The following RREB1 variants were observed in gnomAD, a reference collection of about 807,000 sequenced individuals.
The protein encoded by RREB1 is ras-responsive element-binding protein 1.
In RREB1, 27 loss-of-function variants were observed where a neutral mutation model predicts 117.8. That is an observed-to-expected ratio of 0.23 (90% CI 0.17 to 0.32). The LOEUF is 0.32. Ranked by LOEUF, RREB1 falls within the 10% of genes least tolerant of loss-of-function variation. The probability of loss-of-function intolerance (pLI) is 1.00; values close to 1 mark genes in which losing one functional copy is unlikely to be tolerated. For synonymous variants in RREB1, 1,298 were observed against 1,026.7 expected (o/e 1.26, Z -5.05); for missense variants, 2,577 against 2,378.2 (o/e 1.08, Z -1.74).
chr6:7,205,670 G>T (rs1223366073), intron 6 of RREB1, among the ~76,000 whole-genome samples: 1 of 152,200 alleles, frequency 6.6e-6, no homozygotes, highest in Non-Finnish European at 1.5e-5. Flanking sequence ...ATTCAGGGAG[G>T]CAGGGAGGGA....
At chr6:7,181,834 T>C (rs1331330082) in intron 3 of RREB1, 36 bp from the exon 4 acceptor site, 6 of 1,491,090 alleles carry the variant, frequency 4.0e-6, no homozygotes, top group Non-Finnish European at 4.7e-6. Flanking sequence ...AAGCCTAAAC[T>C]TCCCCATGAT....
Position 7,187,565 on chromosome 6 carries a change from AT to A in RREB1, c.261+46del, listed in dbSNP as rs199939994. 6.9e-5 allele frequency: 59 copies of A among 853,518 alleles called. No individual in the cohort carries two copies. In the East Asian group the frequency reaches 1.5e-3, roughly 21 times the overall value. The allele number at this position is 853,518 out of a possible 1,614,324, so 52.9% of individuals were successfully genotyped here. On this transcript the variant is annotated intron_variant, in intron 5 of 12. Transcript: ENST00000379938. ...CTTTTATTTTATTTTATTTTATTTT[AT>A]TTTATTTTATTTTATTTTATTTTAG...
chr6:7,117,388 GTTTTTTTTTTTTTTTTTTTTT>G lies in RREB1; in HGVS notation c.-285+9345_-285+9365del, dbSNP rs70978941. Among the ~76,000 whole-genome samples the G allele has an allele frequency of 3.2e-4, 20 of 63,294 alleles. No individual in the cohort carries two copies. In the East Asian group the frequency reaches 7.2e-3, roughly 23 times the overall value. 41.5% of individuals were successfully genotyped at this position (63,294 alleles called of 152,430 possible). On this transcript the variant is annotated intron_variant, in intron 1 of 12. Coordinates refer to ENST00000379938, the MANE Select transcript of RREB1 (RefSeq NM_001003699.4). ...GGTGAACCATGTGAATAGGTTTCCT[GTTTTTTTTTTTTTTTTTTTTT>G]TTTTTTTTTTTTTTTTGAGACGAAG...
chr6:7,244,904 A>G (rs1273367083), intron 11 of RREB1, among the ~76,000 whole-genome samples: 1 of 152,184 alleles, frequency 6.6e-6, no homozygotes, highest in African/African-American at 2.4e-5. Context: ...GACATTGAGG[A>G]GGTGTGATGG....
At chr6:7,129,802 T>G (rs191716877) in intron 1 of RREB1, among the ~76,000 whole-genome samples, 1 of 152,230 alleles carries the variant, frequency 6.6e-6, no homozygotes, top group East Asian at 1.9e-4. Flanking sequence ...ACATAGAAGG[T>G]TTTGGTTCAT....
chr6:7,168,782 C>T (rs1764076909), intron 1 of RREB1, among the ~76,000 whole-genome samples: 1 of 152,234 alleles, frequency 6.6e-6, no homozygotes, highest in African/African-American at 2.4e-5. Flanking sequence ...AATGACCCTT[C>T]TCCAAATGGT....
At chr6:7,222,829 G>A (rs1767341950) in intron 8 of RREB1, among the ~76,000 whole-genome samples, 1 of 152,000 alleles carries the variant, frequency 6.6e-6, no homozygotes, top group African/African-American at 2.4e-5. Context: ...CCATAGAGGT[G>A]CAGTAAATTC....
chr6:7,243,714 G>T (rs1363445120), intron 11 of RREB1, among the ~76,000 whole-genome samples: 1 of 152,184 alleles, frequency 6.6e-6, no homozygotes, highest in African/African-American at 2.4e-5. Context: ...GAGGGAGTTG[G>T]CCTTTCATTG....
At chr6:7,170,955 C>T (rs1168220215) in intron 1 of RREB1, among the ~76,000 whole-genome samples, 3 of 152,084 alleles carry the variant, frequency 2.0e-5, no homozygotes, top group South Asian at 2.1e-4. Context: ...GTTTCTGACT[C>T]GGTAGGTCTG....
chr6:7,159,632 A>G (rs1055989719), intron 1 of RREB1, among the ~76,000 whole-genome samples: 2 of 152,178 alleles, frequency 1.3e-5, no homozygotes, highest in African/African-American at 4.8e-5. Context: ...TCATCTTTAC[A>G]AGAAAAGGGA....
intron 1 of RREB1, among the ~76,000 whole-genome samples, chr6:7,117,388 GTTTTTTTTTTTTTTTTTTTTTTTTTTT>G (rs70978941): frequency 3.2e-5 from 2 of 63,292 alleles, no homozygotes; most frequent in Admixed American, 2.2e-4. Context: ...TAGGTTTCCT[GTTTTTTTTTTTTTTTTTTTTTTTTTTT>G]TTTTTTTTTT....
At chr6:7,211,206 CT>C (rs1457427269) in intron 7 of RREB1, among the ~76,000 whole-genome samples, 3 of 150,792 alleles carry the variant, frequency 2.0e-5, no homozygotes, top group Non-Finnish European at 4.4e-5. Context: ...TTTTTTCTAG[CT>C]AAAGCGCAAG....
In RREB1 at chr6:7,229,184, G is replaced by T. The variant is rs1195412752; in HGVS notation, c.1085G>T (p.Gly362Val). The change falls in exon 10 of 13, where the codon GGC becomes GTC. Residue 362 changes from glycine (G) to valine (V), a missense_variant. Transcript: ENST00000379938. This position sits in a 1 kb window ranked among gnomAD's most constrained non-coding sequence, Gnocchi z 4.5. ...CCTGGTGACGCCCTGGACCAGAAGG[G>T]CTTCCTGGCCTTGCTTGGCCTGCAG... ...PLPGDALDQKGFLALLGLQHT... is the reference protein window; with the variant it reads ...PLPGDALDQKVFLALLGLQHT... 6 of 1,610,656 alleles carry T rather than the reference G, an allele frequency of 3.7e-6. No individual in the cohort carries two copies. In the East Asian group the frequency reaches 1.3e-4, roughly 36 times the overall value.
intron 1 of RREB1, among the ~76,000 whole-genome samples, chr6:7,173,387 C>T (rs973300303): frequency 4.0e-5 from 6 of 151,544 alleles, no homozygotes; most frequent in African/African-American, 1.5e-4. Flanking sequence ...CGTGGTGGTG[C>T]ACGGCTGAGG....
intron 1 of RREB1, among the ~76,000 whole-genome samples, chr6:7,174,813 T>G (rs1157738793): frequency 6.6e-6 from 1 of 152,232 alleles, no homozygotes; most frequent in African/African-American, 2.4e-5. Flanking sequence ...TTTGCCATGT[T>G]GGCCAGGCTG....
intron 11 of RREB1, among the ~76,000 whole-genome samples, chr6:7,245,900 T>A (rs1768980890): frequency 6.6e-6 from 1 of 152,218 alleles, no homozygotes; most frequent in South Asian, 2.1e-4. Context: ...AGAGTGTGCA[T>A]ACCATACACA....
At chr6:7,136,833 C>T (rs925108663) in intron 1 of RREB1, among the ~76,000 whole-genome samples, 15 of 152,114 alleles carry the variant, frequency 9.9e-5, no homozygotes, top group Admixed American at 5.9e-4. Context: ...GAAAGCCCGT[C>T]GTTAACCAAA....
chr6:7,217,278 T>A (rs941018532), intron 8 of RREB1: 2 of 152,210 alleles, frequency 1.3e-5, no homozygotes, highest in South Asian at 4.1e-4. Flanking sequence ...AAATGAAGCA[T>A]GAAATCCCTT....
At chr6:7,118,203 C>T (rs1455936292) in intron 1 of RREB1, among the ~76,000 whole-genome samples, 1 of 152,196 alleles carries the variant, frequency 6.6e-6, no homozygotes, top group Admixed American at 6.5e-5. Context: ...TCACTGCAAC[C>T]TCCACATCTT....
Sources: gnomAD v4.1 joint callset for allele counts (sites outside exome capture counted in the v4.1 genomes callset) on GRCh38, gnomAD v4.1.1 for gene constraint, Gnocchi (gnomAD v3.1) non-coding constraint, MANE v1.5 for transcripts, NCBI Gene and HGNC (gene_info 2026-07-23, HGNC 2026-07-21) for gene names.